AOC1: variants seen among roughly 807,000 people sequenced by gnomAD.
AOC1 encodes diamine oxidase [copper-containing].
AOC1 carries 58 observed loss-of-function variants against 57.1 expected under a neutral mutation model. That is an observed-to-expected ratio of 1.02 (90% CI 0.82 to 1.26). AOC1 has a LOEUF of 1.26. Among genes scored for constraint, AOC1 ranks in the 50% most tolerant of loss-of-function variants. The probability of loss-of-function intolerance (pLI) is 0.00; values close to 1 mark genes in which losing one functional copy is unlikely to be tolerated. For missense variants in AOC1, 917 were observed against 1,005.3 expected (o/e 0.91, Z 1.19); for synonymous variants, 401 against 423.4 (o/e 0.95, Z 0.65).
In AOC1 at chr7:150,859,033, C is replaced by A; in HGVS notation, c.1841C>A (p.Ala614Asp). Residue 614 changes from alanine (A) to aspartate (D), a missense_variant, in exon 3 of 5, where the codon GCC (alanine) becomes GAC (aspartate). Coordinates refer to ENST00000360937, the MANE Select transcript of AOC1 (RefSeq NM_001091.4). ...VLPPGWQEEQ[A>D]ITWARYPLAV... ...CCCCCAGGCTGGCAGGAGGAGCAGG[C>A]CATCACCTGGGCAAGGTGAGGAAGA... 6.3e-7 allele frequency: 1 copy of A among 1,576,342 alleles called. No homozygotes were observed.
At position 150,860,486 on chromosome 7, in the gene AOC1, G is replaced by C; in HGVS notation, c.1857-15G>C. 6.2e-7 allele frequency: 1 copy of C among 1,613,814 alleles called. No homozygotes were observed. The highest frequency in any genetic ancestry group is 1.1e-5 in the South Asian group (1 of 91,082). On this transcript the variant is annotated splice_polypyrimidine_tract_variant and intron_variant, in intron 3 of 4. Transcript: ENST00000360937. ...CCAGGGCCCTGAGCCAAGCTGCTTC[G>C]CCTGTGCCTGGCAGGTACCCCCTGG...
Position 150,861,254 on chromosome 7 carries a change from G to A in AOC1, c.*45G>A, listed in dbSNP as rs771128203. On this transcript the variant is annotated 3_prime_UTR_variant, in exon 5 of 5. Coordinates refer to ENST00000360937, the MANE Select transcript of AOC1 (RefSeq NM_001091.4). This position sits in a 1 kb window ranked among gnomAD's most constrained non-coding sequence, Gnocchi z 4.5. ...CCAGTTCCTCCCAGGAAGCCCAGGA[G>A]CCTCACTGGGGCAGACAATAAACCC... The A allele has an allele frequency of 1.2e-5, 19 of 1,524,014 alleles. 1 individual carries two copies. In the East Asian group the frequency reaches 3.7e-4, roughly 29 times the overall value. The allele number at this position is 1,524,014 out of a possible 1,614,324, so 94.4% of individuals were successfully genotyped here.
rs2071514 is a variant in AOC1 at position 150,857,799 on chromosome 7, G to A, written c.1329G>A (p.Ala443=). 0.21 allele frequency: 335,805 copies of A among 1,613,996 alleles called. 40,209 individuals carry two copies. The highest frequency in any genetic ancestry group is 0.5 in the East Asian group (22,592 of 44,860). ...SNFKGGFNFY[A]GLKGQVLVLR... The stretch of plus-strand genomic sequence containing the variant: ...TTAAAGGTGGCTTCAACTTCTATGC[G>A]GGGCTGAAGGGCCAGGTGCTGGTGC... Residue 443 remains alanine, a synonymous_variant, in exon 2 of 5, where the codon GCG becomes GCA. Coordinates refer to ENST00000360937, the MANE Select transcript of AOC1 (RefSeq NM_001091.4). This position sits in a 1 kb window ranked among gnomAD's most constrained non-coding sequence, Gnocchi z 6.6.
chr7:150,858,009 G>A lies in AOC1; in HGVS notation c.1539G>A (p.Leu513=), dbSNP rs763996033. The change falls in exon 2 of 5, where the codon TTG becomes TTA. Residue 513 remains leucine (L), a synonymous_variant. Coordinates refer to ENST00000360937, the MANE Select transcript of AOC1 (RefSeq NM_001091.4). ...TGATTGGCAACATACACACTCACTT[G>A]GTGCACTACCGCGTAGACCTGGATG... is the stretch of plus-strand genomic sequence containing the variant. ...THLIGNIHTH[L]VHYRVDLDVA... is the part of the protein sequence containing the mutation. 1.9e-6 allele frequency: 3 copies of A among 1,556,396 alleles called. No homozygotes were observed. The highest frequency in any genetic ancestry group is 2.4e-5 in the South Asian group (2 of 83,070).
Position 150,857,024 on chromosome 7 carries a change from C to G in AOC1, c.554C>G (p.Thr185Ser), listed in dbSNP as rs142034862. Residue 185 changes from threonine to serine, a missense_variant, in exon 2 of 5, where the codon ACC (threonine) becomes AGC (serine). Physicochemically the swap from Thr to Ser is moderately conservative, Grantham distance 58 (BLOSUM62 1). Transcript: ENST00000360937. This position sits in a 1 kb window ranked among gnomAD's most constrained non-coding sequence, Gnocchi z 6.6. ...TGCCATGACAGATGCCTGGCCTTCACCGATGTGGCCCCCCGGGGTGTGGCT... is the reference window on the plus strand; with the variant it reads ...TGCCATGACAGATGCCTGGCCTTCAGCGATGTGGCCCCCCGGGGTGTGGCT... The part of the protein sequence containing the change: ...QDCHDRCLAF[T>S]DVAPRGVASG... 374 of 1,614,174 alleles carry G rather than the reference C, an allele frequency of 2.3e-4. 2 individuals carry two copies. In the East Asian group the frequency reaches 7.8e-3, roughly 34 times the overall value.
In AOC1 at chr7:150,857,968, C is replaced by T. The variant is rs567719730; in HGVS notation, c.1498C>T (p.Arg500Cys). The T allele has an allele frequency of 2.6e-5, 42 of 1,595,258 alleles. No individual in the cohort carries two copies. In the South Asian group the frequency reaches 3.0e-4, roughly 12 times the overall value. Residue 500 changes from arginine to cysteine, a missense_variant, in exon 2 of 5, where the codon CGC (arginine) becomes TGC (cysteine). Arg to Cys is a radical substitution (Grantham distance 180). Coordinates refer to ENST00000360937, the MANE Select transcript of AOC1 (RefSeq NM_001091.4). This position sits in a 1 kb window ranked among gnomAD's most constrained non-coding sequence, Gnocchi z 6.6. ...CCCCGAGGGGCTGCGCCACGGCACT[C>T]GCCTGCACACCCACCTGATTGGCAA... ...YTPEGLRHGT[R>C]LHTHLIGNIH... is the part of the protein sequence containing the mutation.
rs79934982 is a variant in AOC1 at position 150,856,763 on chromosome 7, G to A, written c.293G>A (p.Arg98His). ...KGERHPVREARAVIFFGDQEH... is the reference protein window; with the variant it reads ...KGERHPVREAHAVIFFGDQEH... ...GAAAGGCATCCTGTGCGGGAAGCCC[G>A]TGCCGTCATCTTCTTTGGTGACCAG... Residue 98 changes from arginine to histidine, a missense_variant, in exon 2 of 5, where the codon CGT (arginine) becomes CAT (histidine). Coordinates refer to ENST00000360937, the MANE Select transcript of AOC1 (RefSeq NM_001091.4). The surrounding 1 kb of genome is among the most constrained non-coding windows in gnomAD (Gnocchi z 5.2). 4.0e-4 allele frequency: 643 copies of A among 1,614,140 alleles called. 1 individual carries two copies. In the African/African-American group the frequency reaches 6.4e-3, roughly 16 times the overall value.
At chr7:150,853,695 A>ATATATATATATATT (rs1244012491) in intron 1 of AOC1, among the ~76,000 whole-genome samples, 34 of 84,246 alleles carry the variant, frequency 4.0e-4, no homozygotes, top group Non-Finnish European at 6.3e-4. Context: ...ATATATATAT[A>ATATATATATATATT]TATTTATTTA....
Position 150,861,150 on chromosome 7 carries a change from G to C in AOC1, c.2197G>C (p.Asp733His). ...PNYVQRWIPE[D>H]RDCSMPPPFS... ...CTACGTCCAGCGCTGGATCCCTGAG[G>C]ACAGGGACTGCTCGATGCCTCCCCC... Residue 733 changes from aspartate (D) to histidine (H), a missense_variant, in exon 5 of 5, where the codon GAC becomes CAC. Coordinates refer to ENST00000360937, the MANE Select transcript of AOC1 (RefSeq NM_001091.4). The surrounding 1 kb of genome is among the most constrained non-coding windows in gnomAD (Gnocchi z 4.5). 2 of 1,613,262 alleles carry C rather than the reference G, an allele frequency of 1.2e-6. No homozygotes were observed. The highest frequency in any genetic ancestry group is 1.7e-6 in the Non-Finnish European group (2 of 1,179,292).
chr7:150,861,150 G>A lies in AOC1; in HGVS notation c.2197G>A (p.Asp733Asn), dbSNP rs770929672. ...PNYVQRWIPE[D>N]RDCSMPPPFS... is the part of the protein sequence containing the mutation. ...CTACGTCCAGCGCTGGATCCCTGAG[G>A]ACAGGGACTGCTCGATGCCTCCCCC... The change falls in exon 5 of 5, where the codon GAC becomes AAC. Residue 733 changes from aspartate to asparagine, a missense_variant. Asp to Asn is a conservative substitution (Grantham distance 23, BLOSUM62 1). Transcript: ENST00000360937. This position sits in a 1 kb window ranked among gnomAD's most constrained non-coding sequence, Gnocchi z 4.5. The A allele has an allele frequency of 1.2e-6, 2 of 1,613,262 alleles. No homozygotes were observed. Among genetic ancestry groups the A allele is most frequent in the Non-Finnish European group, 1.7e-6 (2 of 1,179,292 alleles).
Position 150,856,909 on chromosome 7 carries a change from G to A in AOC1, c.439G>A (p.Glu147Lys), listed in dbSNP as rs1162564577. The change falls in exon 2 of 5, where the codon GAG (glutamate) becomes AAG (lysine). Residue 147 changes from glutamate to lysine, a missense_variant. Coordinates refer to ENST00000360937, the MANE Select transcript of AOC1 (RefSeq NM_001091.4). This position sits in a 1 kb window ranked among gnomAD's most constrained non-coding sequence, Gnocchi z 5.2. ...GGCATCGAGGCCCATCTCCACAGCA[G>A]AGTATGCCCTCCTCTACCACACCCT... ...SWASRPISTA[E>K]YALLYHTLQE... 1.9e-6 allele frequency: 3 copies of A among 1,614,100 alleles called. No individual in the cohort carries two copies. The highest frequency in any genetic ancestry group is 2.5e-6 in the Non-Finnish European group (3 of 1,179,982).
Position 150,857,968 on chromosome 7 carries a change from C to A in AOC1, c.1498C>A (p.Arg500Ser). 1.9e-6 allele frequency: 3 copies of A among 1,595,254 alleles called. No homozygotes were observed. The highest frequency in any genetic ancestry group is 2.6e-6 in the Non-Finnish European group (3 of 1,174,072). Residue 500 changes from arginine (R) to serine (S), a missense_variant, in exon 2 of 5, where the codon CGC becomes AGC. Coordinates refer to ENST00000360937, the MANE Select transcript of AOC1 (RefSeq NM_001091.4). This position sits in a 1 kb window ranked among gnomAD's most constrained non-coding sequence, Gnocchi z 6.6. ...CCCCGAGGGGCTGCGCCACGGCACTCGCCTGCACACCCACCTGATTGGCAA... is the reference window on the plus strand; with the variant it reads ...CCCCGAGGGGCTGCGCCACGGCACTAGCCTGCACACCCACCTGATTGGCAA... ...YTPEGLRHGTRLHTHLIGNIH... is the reference protein window; with the variant it reads ...YTPEGLRHGTSLHTHLIGNIH...
chr7:150,860,952 G>A lies in AOC1; in HGVS notation c.1999G>A (p.Ala667Thr), dbSNP rs756251722. ...NENIENEDLV[A>T]WVTVGFLHIP... is the part of the protein sequence containing the mutation. ...ACCCTGTCTCCTGCAGGACCTGGTG[G>A]CCTGGGTGACGGTGGGCTTCCTGCA... Residue 667 changes from alanine (A) to threonine (T), a missense_variant, in exon 5 of 5, where the codon GCC becomes ACC. Coordinates refer to ENST00000360937, the MANE Select transcript of AOC1 (RefSeq NM_001091.4). 6.2e-7 allele frequency: 1 copy of A among 1,612,214 alleles called. No individual in the cohort carries two copies. Among genetic ancestry groups the A allele is most frequent in the Non-Finnish European group, 8.5e-7 (1 of 1,179,588 alleles).
intron 2 of AOC1, among the ~76,000 whole-genome samples, 180 bp from the exon 3 acceptor site, chr7:150,858,583 G>A (rs1474124354): frequency 6.6e-6 from 1 of 152,110 alleles, no homozygotes; most frequent in Non-Finnish European, 1.5e-5. Context: ...CAGCTCTTGA[G>A]AGGAACTTCC....
chr7:150,857,683 G>A lies in AOC1; in HGVS notation c.1213G>A (p.Asp405Asn), dbSNP rs565478682. The A allele has an allele frequency of 2.5e-6, 4 of 1,614,096 alleles. No homozygotes were observed. The highest frequency in any genetic ancestry group is 4.5e-5 in the East Asian group (2 of 44,870). Reference sequence around the variant, plus strand: ...CTTCCTGGACACTTTCCACTACTATGATGCCGATGACCCGGTCCATTATCC... The same window carrying A: ...CTTCCTGGACACTTTCCACTACTATAATGCCGATGACCCGGTCCATTATCC... ...ATFLDTFHYYDADDPVHYPRA... is the reference protein window; with the variant it reads ...ATFLDTFHYYNADDPVHYPRA... The change falls in exon 2 of 5, where the codon GAT (aspartate) becomes AAT (asparagine). Residue 405 changes from aspartate (D) to asparagine (N), a missense_variant. Coordinates refer to ENST00000360937, the MANE Select transcript of AOC1 (RefSeq NM_001091.4). This position sits in a 1 kb window ranked among gnomAD's most constrained non-coding sequence, Gnocchi z 6.6.
At chr7:150,858,459 C>T (rs2301257) in intron 2 of AOC1, among the ~76,000 whole-genome samples, 36,841 of 152,018 alleles carry the variant, frequency 0.24, 4,983 homozygotes, top group East Asian at 0.47. Flanking sequence ...CAGGACCACA[C>T]GGGCGGCTCC....
Position 150,857,875 on chromosome 7 carries a change from T to C in AOC1, c.1405T>C (p.Phe469Leu), listed in dbSNP as rs1314633659. The change falls in exon 2 of 5, where the codon TTC becomes CTC. Residue 469 changes from phenylalanine (F) to leucine (L), a missense_variant. Coordinates refer to ENST00000360937, the MANE Select transcript of AOC1 (RefSeq NM_001091.4). The surrounding 1 kb of genome is among the most constrained non-coding windows in gnomAD (Gnocchi z 6.6). Reference protein sequence around the residue: ...YNYDYIWDFIFYPNGVMEAKM... With the variant: ...YNYDYIWDFILYPNGVMEAKM... The stretch of plus-strand genomic sequence containing the variant: ...TTATGATTACATTTGGGACTTTATC[T>C]TCTACCCCAACGGGGTGATGGAGGC... 2 of 1,613,766 alleles carry C rather than the reference T, an allele frequency of 1.2e-6. No homozygotes were observed. Among genetic ancestry groups the C allele is most frequent in the South Asian group, 2.2e-5 (2 of 91,060 alleles).
chr7:150,857,614 A>C lies in AOC1; in HGVS notation c.1144A>C (p.Thr382Pro). The C allele has an allele frequency of 1.2e-6, 2 of 1,613,890 alleles. No homozygotes were observed. Among genetic ancestry groups the C allele is most frequent in the Non-Finnish European group, 8.5e-7 (1 of 1,179,972 alleles). ...LDVGWGLGSV[T>P]HELAPGIDCP... ...TGTCGGCTGGGGCCTGGGCAGCGTC[A>C]CTCATGAGTTAGCCCCCGGCATCGA... The change falls in exon 2 of 5, where the codon ACT becomes CCT. Residue 382 changes from threonine (T) to proline (P), a missense_variant. Coordinates refer to ENST00000360937, the MANE Select transcript of AOC1 (RefSeq NM_001091.4). The surrounding 1 kb of genome is among the most constrained non-coding windows in gnomAD (Gnocchi z 6.6).
chr7:150,854,268 A>G (rs147099811), intron 1 of AOC1: 20 of 152,400 alleles, frequency 1.3e-4, no homozygotes, highest in African/African-American at 4.6e-4. Context: ...ATGAGAGGCC[A>G]TGACCATGGA....
Sources: gnomAD v4.1 joint callset for allele counts (sites outside exome capture counted in the v4.1 genomes callset) on GRCh38, gnomAD v4.1.1 for gene constraint, Gnocchi (gnomAD v3.1) non-coding constraint, MANE v1.5 for transcripts, NCBI Gene and HGNC (gene_info 2026-07-23, HGNC 2026-07-21) for gene names.